Variants in ARID4B observed in about 807,000 individuals in gnomAD.
ARID4B encodes the protein AT-rich interaction domain 4B, also known as AT-rich interactive domain-containing protein 4B.
In ARID4B, 26 loss-of-function variants were observed where a neutral mutation model predicts 147.5. That is an observed-to-expected ratio of 0.18 (90% CI 0.13 to 0.24). The LOEUF (loss-of-function observed/expected upper bound fraction) is 0.24, where lower values mean the gene tolerates loss of function less well. ARID4B is among the 10% of genes least tolerant of loss of function. ARID4B has a pLI of 1.00. For missense variants in ARID4B, 1,179 were observed against 1,511.5 expected, an observed-to-expected ratio of 0.78 and a Z score of 3.65; for synonymous variants, 512 against 507.9, an observed-to-expected ratio of 1.01 and a Z score of -0.11.
At position 235,238,361 on chromosome 1, in the gene ARID4B, G is replaced by T. The variant is rs538317449; in HGVS notation, c.585+1952C>A. Among the ~76,000 whole-genome samples, 19 of 152,232 alleles carry T rather than the reference G, an allele frequency of 1.2e-4. 1 individual carries two copies. The South Asian group carries it at 3.9e-3, about 32-fold the overall frequency. On this transcript the variant is annotated intron_variant, in intron 8 of 23. Coordinates refer to ENST00000264183, the MANE Select transcript of ARID4B (RefSeq NM_016374.6). ...CATAAGGGAAAAAAGCATTAGAGGA[G>T]AATTTGGCTAATTATTTTTAGTAAG...
chr1:235,236,862 A>G (rs868716619), intron 8 of ARID4B, among the ~76,000 whole-genome samples: 2 of 17,486 alleles, frequency 1.1e-4, no homozygotes, highest in Non-Finnish European at 1.9e-4. Context: ...ATATATATAT[A>G]TTTTTTTTTT....
chr1:235,179,521 G>A, intron 20 of ARID4B, among the ~76,000 whole-genome samples: 1 of 48,046 alleles, frequency 2.1e-5, no homozygotes, highest in South Asian at 1.2e-3. Flanking sequence ...AAAACTCTAT[G>A]TCTCAAAAAA....
chr1:235,306,502 C>CAAA (rs35505288), intron 2 of ARID4B, among the ~76,000 whole-genome samples: 2 of 129,654 alleles, frequency 1.5e-5, no homozygotes, highest in Non-Finnish European at 1.6e-5. Context: ...GACTCCATCT[C>CAAA]AAAAAAAAAA....
intron 2 of ARID4B, among the ~76,000 whole-genome samples, chr1:235,287,904 T>C (rs10925335): frequency 9.4e-4 from 143 of 152,390 alleles, no homozygotes; most frequent in African/African-American, 3.3e-3. Flanking sequence ...CCAGTCTTAC[T>C]CTGCCTTTAC....
At chr1:235,288,991 T>C (rs2103203655) in intron 2 of ARID4B, among the ~76,000 whole-genome samples, 1 of 152,220 alleles carries the variant, frequency 6.6e-6, no homozygotes, top group East Asian at 1.9e-4. Context: ...TTAACAGTCT[T>C]GAAAGATCCA....
At chr1:235,260,585 A>T in intron 3 of ARID4B, 57 bp downstream of exon 3, 1 of 1,324,690 alleles carries the variant, frequency 7.5e-7, no homozygotes, top group Non-Finnish European at 1.0e-6. Flanking sequence ...CTCACCAAAT[A>T]AAAGTTTACA....
chr1:235,323,095 C>T (rs1257294710), intron 2 of ARID4B, among the ~76,000 whole-genome samples: 2 of 149,152 alleles, frequency 1.3e-5, no homozygotes, highest in Non-Finnish European at 3.0e-5. Context: ...AGCTGGAGTG[C>T]AGTGGTGCCA....
chr1:235,296,942 C>A (rs958768154), intron 2 of ARID4B, among the ~76,000 whole-genome samples: 1 of 151,836 alleles, frequency 6.6e-6, no homozygotes, highest in African/African-American at 2.4e-5. Flanking sequence ...ACCCTTAACA[C>A]CCTGATTGTG....
At chr1:235,199,969 C>T (rs912742615) in intron 17 of ARID4B, among the ~76,000 whole-genome samples, 3 of 147,884 alleles carry the variant, frequency 2.0e-5, no homozygotes, top group Middle Eastern at 3.6e-3. Flanking sequence ...AGTGTTCCTT[C>T]TATTTTCTCT....
chr1:235,171,645 C>G (rs1391061825), intron 23 of ARID4B, among the ~76,000 whole-genome samples: 1 of 146,232 alleles, frequency 6.8e-6, no homozygotes, highest in Non-Finnish European at 1.5e-5. Flanking sequence ...GGATAGATGT[C>G]TTTTTTTTTT....
intron 2 of ARID4B, among the ~76,000 whole-genome samples, chr1:235,291,302 G>T (rs1572167465): frequency 1.3e-5 from 2 of 152,176 alleles, no homozygotes; most frequent in East Asian, 3.9e-4. Context: ...AGCTACCTCG[G>T]AAGGATGAGG....
intron 2 of ARID4B, among the ~76,000 whole-genome samples, chr1:235,308,286 T>C (rs1467520554): frequency 1.3e-5 from 2 of 151,776 alleles, no homozygotes; most frequent in East Asian, 3.9e-4. Context: ...GTATTTTTAG[T>C]AGAGACAGGG....
chr1:235,175,241 C>T lies in ARID4B; in HGVS notation c.3607G>A (p.Asp1203Asn), dbSNP rs1465355192. The change falls in exon 22 of 24, where the codon GAT becomes AAT. Residue 1203 changes from aspartate to asparagine, a missense_variant. Physicochemically the swap from Asp to Asn is conservative, Grantham distance 23 (BLOSUM62 1). Around this residue, in one of 10 missense-constraint regions of ARID4B, gnomAD observed 357 missense variants for 427.3 expected, o/e 0.84. Transcript: ENST00000264183. ...KCGKNGDKDP[D>N]LKEPSNRLPK... The stretch of plus-strand genomic sequence containing the variant: ...AATCGATTACTGGGTTCCTTGAGAT[C>T]AGGATCCTTATCACCATTCTTTCCA... 6.2e-7 allele frequency: 1 copy of T among 1,614,168 alleles called. No homozygotes were observed. The highest frequency in any genetic ancestry group is 2.2e-5 in the East Asian group (1 of 44,872).
intron 2 of ARID4B, among the ~76,000 whole-genome samples, chr1:235,299,934 G>C (rs1558292620): frequency 6.6e-6 from 1 of 152,148 alleles, no homozygotes; most frequent in Non-Finnish European, 1.5e-5. Flanking sequence ...TGTCACAGAA[G>C]TAATTTAAGT....
chr1:235,173,761 AAAAAAAAAAAATATATATATATATATAT>A (rs1462965684), intron 22 of ARID4B, among the ~76,000 whole-genome samples: 5 of 51,978 alleles, frequency 9.6e-5, no homozygotes, highest in African/African-American at 5.6e-4. Context: ...AAAAAAAAAA[AAAAAAAAAAAATATATATATATATATAT>A]ATATATATAT....
At chr1:235,176,619 G>A (rs1663903756) in intron 21 of ARID4B, 6 of 249,348 alleles carry the variant, frequency 2.4e-5, no homozygotes, top group South Asian at 2.4e-4. Flanking sequence ...CTGCTGCTCT[G>A]GAACCCCTGG....
rs559263868 is a variant in ARID4B at position 235,250,000 on chromosome 1, G to C, written c.354+2730C>G. On this transcript the variant is annotated intron_variant, in intron 6 of 23. Coordinates refer to ENST00000264183, the MANE Select transcript of ARID4B (RefSeq NM_016374.6). The stretch of plus-strand genomic sequence containing the variant: ...CAGGTGCCTGTAGTTCCAGCTACTC[G>C]GGAGGCTGAGGCAGCAGAATGGCGT... Among the ~76,000 whole-genome samples the C allele has an allele frequency of 4.6e-5, 7 of 151,230 alleles. No homozygotes were observed. The South Asian group carries it at 1.3e-3, about 27-fold the overall frequency.
chr1:235,271,335 T>TA (rs1365369206), intron 2 of ARID4B, among the ~76,000 whole-genome samples: 2 of 151,756 alleles, frequency 1.3e-5, no homozygotes, highest in African/African-American at 2.4e-5. Context: ...ATGACCAAGC[T>TA]AAAAAAATGA....
chr1:235,209,077 T>C (rs867940757), intron 17 of ARID4B, among the ~76,000 whole-genome samples: 58 of 152,338 alleles, frequency 3.8e-4, no homozygotes, highest in African/African-American at 1.3e-3. Flanking sequence ...ATGACTTTTT[T>C]TCATCACAAC....
Sources: allele counts gnomAD v4.1 joint callset (sites outside exome capture counted in the v4.1 genomes callset), GRCh38; gene constraint gnomAD v4.1.1; regional missense constraint gnomAD v4.1.1; transcripts MANE v1.5; gene names NCBI Gene and HGNC (gene_info 2026-07-23, HGNC 2026-07-21).